The following GNAQ variants were observed in gnomAD, a reference collection of about 807,000 sequenced individuals.
The protein encoded by GNAQ is guanine nucleotide-binding protein G(q) subunit alpha.
A neutral mutation model predicts 43.9 loss-of-function variants in GNAQ; 8 were observed. The observed-to-expected ratio is 0.18, with a 90% confidence interval of 0.11 to 0.33. The LOEUF (loss-of-function observed/expected upper bound fraction) is 0.33. Ranked by LOEUF, GNAQ falls within the 10% of genes least tolerant of loss-of-function variation. The pLI is 1.00. For missense variants in GNAQ, 158 were observed against 450.8 expected, an observed-to-expected ratio of 0.35 and a Z score of 5.88; for synonymous variants, 155 against 170.7, an observed-to-expected ratio of 0.91 and a Z score of 0.71.
chr9:77,850,106 C>T (rs1208521560), intron 2 of GNAQ, among the ~76,000 whole-genome samples: 1 of 152,254 alleles, frequency 6.6e-6, no homozygotes, highest in East Asian at 1.9e-4. Context: ...ATGTCGGCTA[C>T]ACACTTCACC....
Position 77,716,692 on chromosome 9 carries a change from A to G in GNAQ, c.*4631T>C, listed in dbSNP as rs1159409187. On this transcript the variant is annotated 3_prime_UTR_variant, in exon 7 of 7. Transcript: ENST00000286548. ...TTTCTGTCTACCAAAAGCTTATATA[A>G]AAGTCAGAATTTCTTTATCCAAGAT... The G allele has an allele frequency of 4.3e-6, 1 of 232,848 alleles. No homozygotes were observed. Among genetic ancestry groups the G allele is most frequent in the African/African-American group, 2.2e-5 (1 of 45,316 alleles). The allele number at this position is 232,848 out of a possible 1,614,324, so 14.4% of individuals were successfully genotyped here.
intron 2 of GNAQ, among the ~76,000 whole-genome samples, chr9:77,887,114 T>A (rs1156266038): frequency 6.6e-6 from 1 of 151,938 alleles, no homozygotes; most frequent in African/African-American, 2.4e-5. Context: ...ACAGAGAGAC[T>A]CTGTCTCTAA....
At chr9:77,814,460 GC>G (rs1826980411) in intron 3 of GNAQ, among the ~76,000 whole-genome samples, 1 of 152,114 alleles carries the variant, frequency 6.6e-6, no homozygotes, top group Non-Finnish European at 1.5e-5. Context: ...CAAAAATGGT[GC>G]TCATGAGCAC....
rs1279845131 is a variant in GNAQ, at chr9:77,829,160, T to C, written c.322-13390A>G. 5.9e-5 allele frequency among the ~76,000 whole-genome samples: 9 copies of C among 152,188 alleles called. No individual in the cohort carries two copies. In the East Asian group the frequency reaches 1.5e-3, roughly 26 times the overall value. On this transcript the variant is annotated intron_variant, in intron 2 of 6. Transcript: ENST00000286548. Reference sequence around the variant, plus strand: ...AACACAGGTATGGTGTTATCAATAGTAGGGGCTGAATACTAACCCAACATA... The same window carrying C: ...AACACAGGTATGGTGTTATCAATAGCAGGGGCTGAATACTAACCCAACATA...
chr9:77,838,346 T>C (rs909480471), intron 2 of GNAQ, among the ~76,000 whole-genome samples: 4 of 151,604 alleles, frequency 2.6e-5, no homozygotes, highest in African/African-American at 9.7e-5. Flanking sequence ...TTTCTCCACG[T>C]TGGTCAGGCT....
chr9:77,760,984 T>A (rs1439912926), intron 5 of GNAQ, among the ~76,000 whole-genome samples: 2 of 150,662 alleles, frequency 1.3e-5, no homozygotes, highest in African/African-American at 4.9e-5. Context: ...CCGCCCCGTC[T>A]GAGAAGTGAG....
At chr9:77,967,201 G>A (rs944759822) in intron 1 of GNAQ, among the ~76,000 whole-genome samples, 5 of 152,146 alleles carry the variant, frequency 3.3e-5, no homozygotes, top group African/African-American at 7.2e-5. Context: ...AAGCTGCCCT[G>A]TCCCAGGTAC....
intron 1 of GNAQ, among the ~76,000 whole-genome samples, chr9:78,019,626 C>T (rs902766169): frequency 5.3e-5 from 8 of 152,052 alleles, no homozygotes; most frequent in Non-Finnish European, 1.2e-4. Context: ...TAATTAGAGA[C>T]TTTAGGAACC....
intron 1 of GNAQ, among the ~76,000 whole-genome samples, chr9:77,968,193 G>A (rs1271261654): frequency 6.6e-6 from 1 of 152,040 alleles, no homozygotes; most frequent in African/African-American, 2.4e-5. Context: ...TTTATATTAT[G>A]TAAATTATAT....
At chr9:77,838,933 T>A (rs1380387024) in intron 2 of GNAQ, among the ~76,000 whole-genome samples, 1 of 151,816 alleles carries the variant, frequency 6.6e-6, no homozygotes, top group Non-Finnish European at 1.5e-5. Flanking sequence ...AAAAAAAAAA[T>A]CTACTGTAAA....
rs1554722278 is a variant in GNAQ, at chr9:77,874,109, A to AC, written c.321+48051_321+48052insG. On this transcript the variant is annotated intron_variant, in intron 2 of 6. Coordinates refer to ENST00000286548, the MANE Select transcript of GNAQ (RefSeq NM_002072.5). Reference sequence around the variant, plus strand: ...ACAAGAGCGAAACTCCATCTCAAAAAAAAAAAACAAAAAAACAAAAAAACA... The same window carrying AC: ...ACAAGAGCGAAACTCCATCTCAAAAACAAAAAAACAAAAAAACAAAAAAACA... Among the ~76,000 whole-genome samples, 137 of 148,180 alleles carry AC rather than the reference A, an allele frequency of 9.2e-4. 1 individual carries two copies. The highest frequency in any genetic ancestry group is 1.3e-3 in the Non-Finnish European group (91 of 67,808).
chr9:77,975,564 A>C (rs1823288871), intron 1 of GNAQ, among the ~76,000 whole-genome samples: 1 of 137,938 alleles, frequency 7.2e-6, no homozygotes, highest in Admixed American at 7.4e-5. Context: ...TTTTTGAGAC[A>C]AGGTCTCGCT....
intron 2 of GNAQ, among the ~76,000 whole-genome samples, chr9:77,844,452 T>C (rs1323788801): frequency 6.6e-6 from 1 of 152,178 alleles, no homozygotes; most frequent in Non-Finnish European, 1.5e-5. Context: ...GACAAATGCA[T>C]AGGAATAAAA....
At chr9:78,012,709 C>T (rs1019271935) in intron 1 of GNAQ, among the ~76,000 whole-genome samples, 4 of 152,068 alleles carry the variant, frequency 2.6e-5, no homozygotes, top group African/African-American at 9.6e-5. Context: ...TAATTGCAGA[C>T]ACAAATATAT....
intron 5 of GNAQ, among the ~76,000 whole-genome samples, chr9:77,762,299 G>C (rs1422915289): frequency 6.4e-5 from 9 of 140,956 alleles, no homozygotes; most frequent in South Asian, 4.6e-4. Flanking sequence ...GAGGGAGGTG[G>C]GGGGGTCAGC....
chr9:77,817,592 TCAC>T, intron 2 of GNAQ, among the ~76,000 whole-genome samples: 1 of 152,240 alleles, frequency 6.6e-6, no homozygotes, highest in Admixed American at 6.5e-5. Flanking sequence ...TTAAACCAAA[TCAC>T]CAAAGAGCTC....
intron 1 of GNAQ, among the ~76,000 whole-genome samples, chr9:77,952,860 G>T (rs1356023083): frequency 1.3e-5 from 2 of 152,134 alleles, no homozygotes; most frequent in African/African-American, 4.8e-5. Flanking sequence ...AGACAAGAAT[G>T]AAACTGGGAA....
chr9:77,973,817 A>AG (rs1823268108), intron 1 of GNAQ, among the ~76,000 whole-genome samples: 1 of 152,138 alleles, frequency 6.6e-6, no homozygotes. Flanking sequence ...GACTCAAAGT[A>AG]GGGGGCAATG....
intron 2 of GNAQ, among the ~76,000 whole-genome samples, chr9:77,881,201 C>A (rs1044311777): frequency 6.6e-6 from 1 of 152,152 alleles, no homozygotes; most frequent in African/African-American, 2.4e-5. Flanking sequence ...CCGCACCCCC[C>A]CCAAAACGGG....
Sources: allele counts gnomAD v4.1 joint callset (sites outside exome capture counted in the v4.1 genomes callset), GRCh38; gene constraint gnomAD v4.1.1; transcripts MANE v1.5; gene names NCBI Gene and HGNC (gene_info 2026-07-23, HGNC 2026-07-21).